PEX3: variants seen among roughly 807,000 people sequenced by gnomAD.
PEX3 encodes the protein peroxin-3.
PEX3 carries 30 observed loss-of-function variants against 55.8 expected under a neutral mutation model. The observed-to-expected ratio is 0.54, with a 90% CI of 0.40 to 0.73. The LOEUF (loss-of-function observed/expected upper bound fraction) is 0.73. PEX3 is among the 30% of genes least tolerant of loss of function. The pLI is 0.00. For synonymous variants in PEX3, 135 were observed against 148.4 expected (o/e 0.91, Z 0.66); for missense variants, 351 against 432.8 (o/e 0.81, Z 1.68).
rs1780257427 is a variant in PEX3, at chr6:143,482,662, T to C, written c.942-2490T>C. Among the ~76,000 whole-genome samples, 1 of 151,876 alleles carries C rather than the reference T, an allele frequency of 6.6e-6. No homozygotes were observed. Among genetic ancestry groups the C allele is most frequent in the Admixed American group, 6.6e-5 (1 of 15,240 alleles). ...TTATTGTTACTCATAAAATAATAGG[T>C]AAGTCAGTGAAATAGAATGTAAAAT... On this transcript the variant is annotated intron_variant, in intron 10 of 11. Coordinates refer to ENST00000367591, the MANE Select transcript of PEX3 (RefSeq NM_003630.3). This position sits in a 1 kb window ranked among gnomAD's most constrained non-coding sequence, Gnocchi z 5.5.
chr6:143,470,547 G>A (rs187558759), intron 4 of PEX3, among the ~76,000 whole-genome samples: 5 of 152,254 alleles, frequency 3.3e-5, no homozygotes, highest in African/African-American at 9.6e-5. Flanking sequence ...GTACTTTCCT[G>A]TAGTCCTTAA....
At position 143,466,837 on chromosome 6, in the gene PEX3, G is replaced by A. The variant is rs546800881; in HGVS notation, c.288-1285G>A. ...GGAAAGTTTAAGCATTTTTTAAGTC[G>A]TCATCTATGAAGAAGGGAGAAAATG... On this transcript the variant is annotated intron_variant, in intron 3 of 11. Transcript: ENST00000367591. The surrounding 1 kb of genome is among the most constrained non-coding windows in gnomAD (Gnocchi z 5.4). Among the ~76,000 whole-genome samples, 3 of 151,884 alleles carry A rather than the reference G, an allele frequency of 2.0e-5. No homozygotes were observed. Among genetic ancestry groups the A allele is most frequent in the South Asian group, 2.1e-4 (1 of 4,816 alleles).
rs1460277933 is a variant in PEX3 at position 143,489,914 on chromosome 6, A to C, written c.*688A>C. The C allele has an allele frequency of 6.6e-6, 1 of 152,168 alleles. No homozygotes were observed. Among genetic ancestry groups the C allele is most frequent in the African/African-American group, 2.4e-5 (1 of 41,450 alleles). 9.4% of individuals were successfully genotyped at this position (152,168 alleles called of 1,614,324 possible). A position where few individuals can be genotyped will look rare whatever the true frequency, so the allele number is the denominator to read the frequency against. The stretch of plus-strand genomic sequence containing the variant: ...TGATGCTGTTTACTCACCTAATTAC[A>C]TAGTTTTAATCATTTGTACATAATT... On this transcript the variant is annotated 3_prime_UTR_variant, in exon 12 of 12. Coordinates refer to ENST00000367591, the MANE Select transcript of PEX3 (RefSeq NM_003630.3). This position sits in a 1 kb window ranked among gnomAD's most constrained non-coding sequence, Gnocchi z 5.5.
chr6:143,476,473 A>T lies in PEX3; in HGVS notation c.818+1617A>T, dbSNP rs1334381539. Among the ~76,000 whole-genome samples the T allele has an allele frequency of 6.6e-6, 1 of 152,218 alleles. No homozygotes were observed. Among genetic ancestry groups the T allele is most frequent in the Admixed American group, 6.5e-5 (1 of 15,280 alleles). On this transcript the variant is annotated intron_variant, in intron 9 of 11. Transcript: ENST00000367591. This position sits in a 1 kb window ranked among gnomAD's most constrained non-coding sequence, Gnocchi z 5.4. ...ATTGCTCTATGGTAAGCTGACTATA[A>T]AGAGATAAGAATAGAAGGAGGGAAC...
In PEX3 at chr6:143,475,191, A is replaced by G. The variant is rs999818353; in HGVS notation, c.818+335A>G. ...AAGGTCATCAGTGATCTTTTGCCATATCCAATGAACCTGTAATGTTCATCT... is the reference window on the plus strand; with the variant it reads ...AAGGTCATCAGTGATCTTTTGCCATGTCCAATGAACCTGTAATGTTCATCT... On this transcript the variant is annotated intron_variant, in intron 9 of 11. Coordinates refer to ENST00000367591, the MANE Select transcript of PEX3 (RefSeq NM_003630.3). The surrounding 1 kb of genome is among the most constrained non-coding windows in gnomAD (Gnocchi z 4.4). Among the ~76,000 whole-genome samples the G allele has an allele frequency of 3.3e-5, 5 of 152,162 alleles. No individual in the cohort carries two copies. The highest frequency in any genetic ancestry group is 7.4e-5 in the Non-Finnish European group (5 of 68,020).
intron 9 of PEX3, among the ~76,000 whole-genome samples, chr6:143,478,373 T>G (rs1022107576): frequency 9.9e-5 from 15 of 152,074 alleles, no homozygotes; most frequent in African/African-American, 3.6e-4. Flanking sequence ...CTTGTGCATT[T>G]AAAATGGGTG....
At position 143,475,489 on chromosome 6, in the gene PEX3, A is replaced by G. The variant is rs1195532915; in HGVS notation, c.818+633A>G. Among the ~76,000 whole-genome samples, 2 of 151,982 alleles carry G rather than the reference A, an allele frequency of 1.3e-5. No homozygotes were observed. Among genetic ancestry groups the G allele is most frequent in the Non-Finnish European group, 2.9e-5 (2 of 67,986 alleles). On this transcript the variant is annotated intron_variant, in intron 9 of 11. Transcript: ENST00000367591. This position sits in a 1 kb window ranked among gnomAD's most constrained non-coding sequence, Gnocchi z 4.4. ...TAACATGGCAAAAACCCCATCTTAA[A>G]CAAAAGAAAAAAAATTAGCCAGGCA...
In PEX3 at chr6:143,454,880, A is replaced by T. The variant is rs1779821007; in HGVS notation, c.73+3765A>T. 6.6e-6 allele frequency among the ~76,000 whole-genome samples: 1 copy of T among 152,230 alleles called. No homozygotes were observed. The highest frequency in any genetic ancestry group is 2.1e-4 in the South Asian group (1 of 4,832). On this transcript the variant is annotated intron_variant, in intron 1 of 11. Coordinates refer to ENST00000367591, the MANE Select transcript of PEX3 (RefSeq NM_003630.3). The surrounding 1 kb of genome is among the most constrained non-coding windows in gnomAD (Gnocchi z 4.3). ...CTATGCAAATGAGAAGTGGCAAAAGATTAACTTGGAAAAGTAGCTAGAGTA... is the reference window on the plus strand; with the variant it reads ...CTATGCAAATGAGAAGTGGCAAAAGTTTAACTTGGAAAAGTAGCTAGAGTA...
intron 9 of PEX3, among the ~76,000 whole-genome samples, chr6:143,477,520 G>T (rs1473233107): frequency 6.6e-6 from 1 of 152,156 alleles, no homozygotes; most frequent in African/African-American, 2.4e-5. Context: ...GAGTCAGGTA[G>T]GGATGGCTGA....
rs113147921 is a variant in PEX3 at position 143,471,088 on chromosome 6, A to G, written c.456+3A>G. 6.0e-5 allele frequency: 97 copies of G among 1,612,856 alleles called. 1 individual carries two copies. The African/African-American group carries it at 8.7e-4, about 14-fold the overall frequency. ...CAGCAGTTGGCAAAAATGGCACTGT[A>G]AGTTTAATAGACTTAAATAGACATT... is the stretch of plus-strand genomic sequence containing the variant. On this transcript the variant is annotated splice_donor_region_variant and intron_variant, in intron 5 of 11. Coordinates refer to ENST00000367591, the MANE Select transcript of PEX3 (RefSeq NM_003630.3). This position sits in a 1 kb window ranked among gnomAD's most constrained non-coding sequence, Gnocchi z 5.4.
chr6:143,477,788 A>G (rs777101930), intron 9 of PEX3, among the ~76,000 whole-genome samples: 9 of 152,158 alleles, frequency 5.9e-5, no homozygotes, highest in Non-Finnish European at 1.0e-4. Flanking sequence ...GGTAGGTACT[A>G]TGATGATCTT....
intron 3 of PEX3, among the ~76,000 whole-genome samples, chr6:143,467,534 T>C (rs894778835): frequency 3.3e-5 from 5 of 152,120 alleles, no homozygotes; most frequent in Non-Finnish European, 7.4e-5. Context: ...ATATCAAGTC[T>C]GCAGCAAGAA....
At chr6:143,481,109 A>C (rs1195733838) in intron 10 of PEX3, among the ~76,000 whole-genome samples, 3 of 149,930 alleles carry the variant, frequency 2.0e-5, no homozygotes, top group African/African-American at 7.4e-5. Flanking sequence ...TCTGAAGAGA[A>C]TCAACTGAAA....
Position 143,489,060 on chromosome 6 carries a change from G to A in PEX3, c.1039-83G>A. ...GGCCTTTACCACAAAACTTAGAGCTGAATTCATCGCTTGATTGCAGAAATT... is the reference window on the plus strand; with the variant it reads ...GGCCTTTACCACAAAACTTAGAGCTAAATTCATCGCTTGATTGCAGAAATT... On this transcript the variant is annotated intron_variant, in intron 11 of 11. Coordinates refer to ENST00000367591, the MANE Select transcript of PEX3 (RefSeq NM_003630.3). The surrounding 1 kb of genome is among the most constrained non-coding windows in gnomAD (Gnocchi z 5.5). 2 of 929,432 alleles carry A rather than the reference G, an allele frequency of 2.2e-6. No individual in the cohort carries two copies. The highest frequency in any genetic ancestry group is 2.4e-5 in the East Asian group (1 of 41,066). 57.6% of individuals were successfully genotyped at this position (929,432 alleles called of 1,614,324 possible).
rs1357900189 is a variant in PEX3 at position 143,453,782 on chromosome 6, T to C, written c.73+2667T>C. Among the ~76,000 whole-genome samples the C allele has an allele frequency of 6.6e-6, 1 of 152,152 alleles. No individual in the cohort carries two copies. Among genetic ancestry groups the C allele is most frequent in the Non-Finnish European group, 1.5e-5 (1 of 68,024 alleles). On this transcript the variant is annotated intron_variant, in intron 1 of 11. Transcript: ENST00000367591. The surrounding 1 kb of genome is among the most constrained non-coding windows in gnomAD (Gnocchi z 4.6). ...TGTAGAGACAGGGGTCTCACTACAT[T>C]GCTCAGACTGGTCTTGAACTCCTGG...
intron 9 of PEX3, among the ~76,000 whole-genome samples, chr6:143,477,764 C>T (rs1004245671): frequency 3.3e-5 from 5 of 152,006 alleles, no homozygotes; most frequent in African/African-American, 1.2e-4. Context: ...TTAAACCTTA[C>T]AGTAACCCTA....
chr6:143,471,677 T>C lies in PEX3; in HGVS notation c.578+66T>C. 1 of 1,140,864 alleles carries C rather than the reference T, an allele frequency of 8.8e-7. No individual in the cohort carries two copies. The highest frequency in any genetic ancestry group is 1.3e-6 in the Non-Finnish European group (1 of 750,508). 70.7% of individuals were successfully genotyped at this position (1,140,864 alleles called of 1,614,324 possible). A position where few individuals can be genotyped will look rare whatever the true frequency, so the allele number is the denominator to read the frequency against. On this transcript the variant is annotated intron_variant, in intron 7 of 11. Transcript: ENST00000367591. The surrounding 1 kb of genome is among the most constrained non-coding windows in gnomAD (Gnocchi z 5.4). Reference sequence around the variant, plus strand: ...AATGAGTGAAAGAAAATTAGAATTGTTCTAGTGAAACCAGTGACTTGACAA... The same window carrying C: ...AATGAGTGAAAGAAAATTAGAATTGCTCTAGTGAAACCAGTGACTTGACAA...
At position 143,490,514 on chromosome 6, in the gene PEX3, G is replaced by A. The variant is rs140498068; in HGVS notation, c.*1288G>A. 1.4e-3 allele frequency: 439 copies of A among 325,126 alleles called. 2 individuals carry two copies. The highest frequency in any genetic ancestry group is 9.3e-3 in the African/African-American group (415 of 44,828). 20.1% of individuals were successfully genotyped at this position (325,126 alleles called of 1,614,324 possible). Reference sequence around the variant, plus strand: ...CCACTGGCATTGTCTCTGAGCAGAAGATGGCTGTGCCACTCACATATGCTA... The same window carrying A: ...CCACTGGCATTGTCTCTGAGCAGAAAATGGCTGTGCCACTCACATATGCTA... On this transcript the variant is annotated 3_prime_UTR_variant, in exon 12 of 12. Transcript: ENST00000367591. The surrounding 1 kb of genome is among the most constrained non-coding windows in gnomAD (Gnocchi z 6.0).
intron 10 of PEX3, among the ~76,000 whole-genome samples, chr6:143,481,148 T>TTATATATA (rs72384031): frequency 3.4e-5 from 5 of 146,346 alleles, no homozygotes; most frequent in Non-Finnish European, 6.0e-5. Context: ...AGGCTTTAAT[T>TTATATATA]TATATATATA....
Sources: allele counts gnomAD v4.1 joint callset (sites outside exome capture counted in the v4.1 genomes callset), GRCh38; gene constraint gnomAD v4.1.1; non-coding constraint Gnocchi (gnomAD v3.1); transcripts MANE v1.5; gene names NCBI Gene and HGNC (gene_info 2026-07-23, HGNC 2026-07-21).